RAI14: variants seen among roughly 807,000 people sequenced by gnomAD.
RAI14 encodes the protein retinoic acid induced 14.
Under a neutral mutation model 115.4 loss-of-function variants are expected in RAI14, and 45 were observed. The ratio of observed to expected loss-of-function variants is 0.39; its 90% CI spans 0.31 to 0.50. RAI14 has a LOEUF of 0.50. Among genes scored for constraint, RAI14 ranks in the 20% least tolerant of loss-of-function variants. RAI14 has a pLI of 0.85. For missense variants in RAI14, 939 were observed against 1,131.2 expected, an observed-to-expected ratio of 0.83 and a Z score of 2.44; for synonymous variants, 371 against 415.4, an observed-to-expected ratio of 0.89 and a Z score of 1.30.
chr5:34,679,756 G>A (rs1339035253), intron 1 of RAI14, among the ~76,000 whole-genome samples: 1 of 152,196 alleles, frequency 6.6e-6, no homozygotes, highest in Admixed American at 6.5e-5. Flanking sequence ...ATCCTGGTAA[G>A]ATTTCACAGG....
intron 1 of RAI14, among the ~76,000 whole-genome samples, chr5:34,674,648 G>C (rs1353232006): frequency 6.7e-6 from 1 of 148,864 alleles, no homozygotes; most frequent in Non-Finnish European, 1.5e-5. Flanking sequence ...ACAGTGGTGC[G>C]ATCTCACCTG....
chr5:34,790,715 T>A (rs1053347720), intron 3 of RAI14, among the ~76,000 whole-genome samples: 1 of 150,484 alleles, frequency 6.6e-6, no homozygotes, highest in Non-Finnish European at 1.5e-5. Flanking sequence ...TACAAGGTAT[T>A]ATATATATAA....
intron 1 of RAI14, among the ~76,000 whole-genome samples, chr5:34,671,320 T>C (rs1743605449): frequency 6.6e-6 from 1 of 152,210 alleles, no homozygotes; most frequent in Non-Finnish European, 1.5e-5. Context: ...CATCAGCCTT[T>C]GAGTGAAATA....
In RAI14 at chr5:34,687,707, T is replaced by C. The variant is rs752579256; in HGVS notation, c.36+752T>C. On this transcript the variant is annotated intron_variant, in intron 2 of 17. Transcript: ENST00000265109. The stretch of plus-strand genomic sequence containing the variant: ...AGTGGGAGAAATTAATGGAAGGGAA[T>C]TAGATGGAAGCCAAGGTATGTCACT... 5.2e-6 allele frequency: 8 copies of C among 1,551,580 alleles called. No individual in the cohort carries two copies. The Admixed American group carries it at 9.8e-5, about 19-fold the overall frequency.
intron 2 of RAI14, among the ~76,000 whole-genome samples, chr5:34,723,583 C>T (rs188693539): frequency 4.1e-4 from 63 of 152,156 alleles, no homozygotes; most frequent in Admixed American, 4.0e-3. Context: ...ATAACTGCAC[C>T]GTAGTTTAGC....
intron 3 of RAI14, among the ~76,000 whole-genome samples, chr5:34,759,930 G>A (rs463771): frequency 6.6e-6 from 1 of 152,146 alleles, no homozygotes; most frequent in East Asian, 1.9e-4. Context: ...GATAAAGCCA[G>A]TCACCTACCC....
Position 34,796,038 on chromosome 5 carries a change from T to C in RAI14, c.256+11T>C. The C allele has an allele frequency of 6.3e-7, 1 of 1,593,836 alleles. No homozygotes were observed. The highest frequency in any genetic ancestry group is 1.1e-5 in the South Asian group (1 of 90,424). Reference sequence around the variant, plus strand: ...CCCAAGATACTACCGGTATGTGGTTTTTAGTCTCTTAAGTCAGCAGGCCAG... The same window carrying C: ...CCCAAGATACTACCGGTATGTGGTTCTTAGTCTCTTAAGTCAGCAGGCCAG... On this transcript the variant is annotated intron_variant, in intron 4 of 17. Transcript: ENST00000265109.
intron 2 of RAI14, among the ~76,000 whole-genome samples, chr5:34,732,276 G>T (rs1036169652): frequency 2.6e-5 from 4 of 152,112 alleles, no homozygotes; most frequent in African/African-American, 9.7e-5. Context: ...TCACTACAAA[G>T]AGCCAGACAA....
At chr5:34,678,476 G>T (rs1744154412) in intron 1 of RAI14, among the ~76,000 whole-genome samples, 3 of 152,114 alleles carry the variant, frequency 2.0e-5, no homozygotes, top group Admixed American at 2.0e-4. Flanking sequence ...GTAAAATAAG[G>T]TCATATGGGT....
At position 34,719,415 on chromosome 5, in the gene RAI14, C is replaced by T. The variant is rs145505900; in HGVS notation, c.36+32460C>T. Among the ~76,000 whole-genome samples, 41 of 152,266 alleles carry T rather than the reference C, an allele frequency of 2.7e-4. No individual in the cohort carries two copies. In the East Asian group the frequency reaches 6.0e-3, roughly 22 times the overall value. On this transcript the variant is annotated intron_variant, in intron 2 of 17. Transcript: ENST00000265109. ...ATCCATTGAGATTGTCACAACATCC[C>T]GCTCATATTCAAAGGGAGGAGAAAT... is the stretch of plus-strand genomic sequence containing the variant.
intron 5 of RAI14, among the ~76,000 whole-genome samples, chr5:34,807,594 G>A (rs1755077529): frequency 6.6e-6 from 1 of 152,108 alleles, no homozygotes; most frequent in Non-Finnish European, 1.5e-5. Context: ...AGGTGAAGCA[G>A]CAAAGAGGGG....
intron 1 of RAI14, chr5:34,667,461 C>T (rs904997810): frequency 1.3e-5 from 2 of 152,224 alleles, no homozygotes; most frequent in African/African-American, 4.8e-5. Context: ...GTCTCAAACT[C>T]CTGAGCTCAA....
At chr5:34,657,170 A>G (rs575286249) in intron 1 of RAI14, 1 of 145,652 alleles carries the variant, frequency 6.9e-6, no homozygotes, top group East Asian at 2.1e-4. Flanking sequence ...GGCCGCCGGG[A>G]CTTCGGGAGT....
At chr5:34,798,228 G>A (rs1364800435) in intron 4 of RAI14, among the ~76,000 whole-genome samples, 7 of 151,886 alleles carry the variant, frequency 4.6e-5, no homozygotes, top group Admixed American at 3.9e-4. Flanking sequence ...TAGTAGAGGC[G>A]GGGTTTCACC....
intron 2 of RAI14, among the ~76,000 whole-genome samples, chr5:34,701,369 A>G (rs964416311): frequency 3.3e-5 from 5 of 152,214 alleles, no homozygotes; most frequent in African/African-American, 1.2e-4. Context: ...ACATAGTTAC[A>G]TCTTTTTCTT....
At chr5:34,784,425 G>T (rs1233902916) in intron 3 of RAI14, among the ~76,000 whole-genome samples, 3 of 152,132 alleles carry the variant, frequency 2.0e-5, no homozygotes, top group African/African-American at 7.2e-5. Flanking sequence ...TGATTATTGA[G>T]AATACCCACA....
intron 2 of RAI14, among the ~76,000 whole-genome samples, chr5:34,705,770 C>T (rs1740633496): frequency 6.6e-6 from 1 of 152,206 alleles, no homozygotes; most frequent in South Asian, 2.1e-4. Flanking sequence ...GCCTCAGCCT[C>T]CTGAGTAGCT....
At chr5:34,677,283 C>G (rs886474837) in intron 1 of RAI14, among the ~76,000 whole-genome samples, 5 of 152,034 alleles carry the variant, frequency 3.3e-5, no homozygotes, top group Non-Finnish European at 7.3e-5. Context: ...TTTGCCTCAG[C>G]CTCCCCAGTA....
intron 1 of RAI14, among the ~76,000 whole-genome samples, chr5:34,676,718 C>T (rs1015449828): frequency 6.6e-6 from 1 of 152,046 alleles, no homozygotes; most frequent in African/African-American, 2.4e-5. Flanking sequence ...TATTTGGTTT[C>T]CAAGAGAAAT....
Sources: allele counts gnomAD v4.1 joint callset (sites outside exome capture counted in the v4.1 genomes callset), GRCh38; gene constraint gnomAD v4.1.1; transcripts MANE v1.5; gene names NCBI Gene and HGNC (gene_info 2026-07-23, HGNC 2026-07-21).